The following OPCML variants were observed in gnomAD, a reference collection of about 807,000 sequenced individuals.
OPCML encodes the protein opioid binding protein/cell adhesion molecule like.
Under a neutral mutation model 37.8 loss-of-function variants are expected in OPCML, and 13 were observed. The ratio of observed to expected loss-of-function variants is 0.34; its 90% CI spans 0.22 to 0.55. OPCML has a LOEUF of 0.55. Ranked by LOEUF, OPCML falls within the 20% of genes least tolerant of loss-of-function variation. OPCML has a pLI of 0.91. For synonymous variants in OPCML, 176 were observed against 168.8 expected, an observed-to-expected ratio of 1.04 and a Z score of -0.33; for missense variants, 341 against 435.6, an observed-to-expected ratio of 0.78 and a Z score of 1.93.
intron 1 of OPCML, chr11:133,419,365 G>A: frequency 1.0e-6 from 1 of 984,666 alleles, no homozygotes; most frequent in Non-Finnish European, 1.2e-6. Flanking sequence ...GCTGGAGTCA[G>A]CTTCTACCCA....
chr11:132,765,450 A>G (rs1203121438), intron 2 of OPCML, among the ~76,000 whole-genome samples: 1 of 152,218 alleles, frequency 6.6e-6, no homozygotes, highest in Non-Finnish European at 1.5e-5. Context: ...ATGAGAATCT[A>G]TGGTGGCTCT....
At chr11:133,329,876 G>T (rs1400432040) in intron 1 of OPCML, among the ~76,000 whole-genome samples, 2 of 152,096 alleles carry the variant, frequency 1.3e-5, no homozygotes, top group Non-Finnish European at 2.9e-5. Context: ...CACAGCAAAA[G>T]AAACTACCAT....
At chr11:133,171,428 C>G (rs540706402) in intron 1 of OPCML, among the ~76,000 whole-genome samples, 1 of 152,310 alleles carries the variant, frequency 6.6e-6, no homozygotes, top group South Asian at 2.1e-4. Flanking sequence ...ACATCAGTCC[C>G]CTCTCAGCTG....
In OPCML at chr11:132,734,037, C is replaced by T. The variant is rs562435121; in HGVS notation, c.147-76718G>A. Among the ~76,000 whole-genome samples, 61 of 152,184 alleles carry T rather than the reference C, an allele frequency of 4.0e-4. No individual in the cohort carries two copies. The South Asian group carries it at 6.6e-3, about 17-fold the overall frequency. The stretch of plus-strand genomic sequence containing the variant: ...ATGTGACTCAGTTTTCTTATGTGTA[C>T]GATGGGATAATAACATTTATCTCAG... On this transcript the variant is annotated intron_variant, in intron 2 of 7. Coordinates refer to ENST00000524381, the MANE Select transcript of OPCML (RefSeq NM_001012393.5).
chr11:133,291,054 A>C (rs1413275492), intron 1 of OPCML, among the ~76,000 whole-genome samples: 2 of 152,234 alleles, frequency 1.3e-5, no homozygotes, highest in African/African-American at 4.8e-5. Context: ...ATCACATCTC[A>C]TAAATAGTTT....
chr11:132,609,178 G>T (rs1046582383), intron 3 of OPCML, among the ~76,000 whole-genome samples: 2 of 152,026 alleles, frequency 1.3e-5, no homozygotes, highest in African/African-American at 4.8e-5. Context: ...GGCATGCAAG[G>T]GCAGGGGGTC....
chr11:133,296,617 G>A (rs921440560), intron 1 of OPCML, among the ~76,000 whole-genome samples: 14 of 152,124 alleles, frequency 9.2e-5, no homozygotes, highest in Non-Finnish European at 2.9e-5. Context: ...TGTCTTATAC[G>A]ATGCTTCCAA....
intron 1 of OPCML, among the ~76,000 whole-genome samples, chr11:133,076,948 G>A (rs1274354921): frequency 1.3e-5 from 2 of 152,140 alleles, no homozygotes; most frequent in Non-Finnish European, 2.9e-5. Flanking sequence ...TGACCACTTT[G>A]TGATCGGTTA....
chr11:133,255,246 C>T lies in OPCML; in HGVS notation c.61+277018G>A, dbSNP rs142557570. On this transcript the variant is annotated intron_variant, in intron 1 of 7. Transcript: ENST00000524381. ...AAGCACGAAACTGGGGTATAAAACA[C>T]TTAAATACGAATGTCTCCAGTCCTG... Among the ~76,000 whole-genome samples, 1,111 of 152,188 alleles carry T rather than the reference C, an allele frequency of 7.3e-3. 10 individuals are homozygous for T. The highest frequency in any genetic ancestry group is 0.025 in the African/African-American group (1,020 of 41,520).
chr11:132,949,506 G>C (rs1945814211), intron 1 of OPCML, among the ~76,000 whole-genome samples: 1 of 152,160 alleles, frequency 6.6e-6, no homozygotes, highest in Non-Finnish European at 1.5e-5. Context: ...GGTATGGATG[G>C]ATACTTCCAA....
intron 1 of OPCML, among the ~76,000 whole-genome samples, chr11:132,955,387 C>A (rs936050033): frequency 2.0e-5 from 3 of 152,062 alleles, no homozygotes; most frequent in Non-Finnish European, 4.4e-5. Flanking sequence ...GCAGACCAAC[C>A]AACCAATATT....
At chr11:133,157,038 G>A (rs929360029) in intron 1 of OPCML, among the ~76,000 whole-genome samples, 3 of 151,980 alleles carry the variant, frequency 2.0e-5, no homozygotes, top group East Asian at 1.9e-4. Context: ...ACGGAGATAC[G>A]AGATGCTGGG....
intron 1 of OPCML, among the ~76,000 whole-genome samples, chr11:133,191,536 T>TGA (rs779285425): frequency 6.6e-6 from 1 of 151,006 alleles, no homozygotes; most frequent in Non-Finnish European, 1.5e-5. Context: ...TGTGTGTGTG[T>TGA]GACGGAGTTT....
intron 1 of OPCML, among the ~76,000 whole-genome samples, chr11:133,054,819 C>T (rs1425853155): frequency 6.6e-6 from 1 of 152,098 alleles, no homozygotes; most frequent in African/African-American, 2.4e-5. Flanking sequence ...CTCCATGATA[C>T]TTCCAAGTGG....
intron 3 of OPCML, among the ~76,000 whole-genome samples, chr11:132,623,510 C>A (rs533893204): frequency 6.6e-6 from 1 of 152,262 alleles, no homozygotes; most frequent in Admixed American, 6.5e-5. Flanking sequence ...AAAGTACTTC[C>A]ATTTTCTAAT....
chr11:132,552,035 G>A (rs1342645076), intron 3 of OPCML, among the ~76,000 whole-genome samples: 2 of 152,128 alleles, frequency 1.3e-5, no homozygotes, highest in Non-Finnish European at 2.9e-5. Flanking sequence ...CATTCTCTAT[G>A]TTGTCAGAGC....
intron 1 of OPCML, among the ~76,000 whole-genome samples, chr11:133,028,393 C>T (rs1947603567): frequency 6.6e-6 from 1 of 152,156 alleles, no homozygotes; most frequent in Non-Finnish European, 1.5e-5. Context: ...CATCTGCTTA[C>T]AGGAAACTTT....
chr11:133,331,375 C>T (rs1205157716), intron 1 of OPCML, among the ~76,000 whole-genome samples: 2 of 152,196 alleles, frequency 1.3e-5, no homozygotes, highest in Non-Finnish European at 2.9e-5. Context: ...CCAGTCCTCT[C>T]TACTCTGGAG....
At chr11:133,524,129 A>C (rs1948444997) in intron 1 of OPCML, among the ~76,000 whole-genome samples, 1 of 152,234 alleles carries the variant, frequency 6.6e-6, no homozygotes, top group Non-Finnish European at 1.5e-5. Flanking sequence ...TAATCACTCA[A>C]TAAATCACAT....
Sources: gnomAD v4.1 joint callset for allele counts (sites outside exome capture counted in the v4.1 genomes callset) on GRCh38, gnomAD v4.1.1 for gene constraint, MANE v1.5 for transcripts, NCBI Gene and HGNC (gene_info 2026-07-23, HGNC 2026-07-21) for gene names.